Variants in DLC1 observed in about 807,000 individuals in gnomAD.
DLC1 encodes the protein DLC1 Rho GTPase activating protein.
Under a neutral mutation model 140.3 loss-of-function variants are expected in DLC1, and 54 were observed. The observed-to-expected ratio is 0.38, with a 90% CI of 0.31 to 0.48. The LOEUF (loss-of-function observed/expected upper bound fraction) is 0.48, where lower values mean the gene tolerates loss of function less well. Among genes scored for constraint, DLC1 ranks in the 20% least tolerant of loss-of-function variants. The pLI is 0.96. For missense variants in DLC1, 2,536 were observed against 1,907.0 expected (o/e 1.33, Z -6.14); for synonymous variants, 986 against 728.1 (o/e 1.35, Z -5.70).
At chr8:13,498,176 T>C (rs910809904) in intron 2 of DLC1, among the ~76,000 whole-genome samples, 1 of 152,160 alleles carries the variant, frequency 6.6e-6, no homozygotes, top group African/African-American at 2.4e-5. Context: ...TTCCATGCCA[T>C]TGGCCATGTG....
Position 13,280,329 on chromosome 8 carries a change from C to T in DLC1, c.1348+24940G>A, listed in dbSNP as rs548445158. On this transcript the variant is annotated intron_variant, in intron 5 of 17. Transcript: ENST00000276297. ...AAAAAAAGAAAAATGAGAATAATGA[C>T]ATTATGCTTTGATAGGTTTGCAGTT... Among the ~76,000 whole-genome samples the T allele has an allele frequency of 1.2e-3, 166 of 142,836 alleles. 1 individual carries two copies. The highest frequency in any genetic ancestry group is 4.2e-3 in the African/African-American group (165 of 38,840). The allele number at this position is 142,836 out of a possible 152,430, so 93.7% of individuals were successfully genotyped here.
intron 4 of DLC1, among the ~76,000 whole-genome samples, chr8:13,321,502 C>T (rs1653038): frequency 0.38 from 52,813 of 140,686 alleles, 9,674 homozygotes; most frequent in East Asian, 0.47. Context: ...CGCACCACTG[C>T]ACTCCAGCCT....
chr8:13,518,387 G>A (rs1036485530), upstream of DLC1, among the ~76,000 whole-genome samples: 3 of 152,158 alleles, frequency 2.0e-5, no homozygotes, highest in Admixed American at 2.0e-4. Flanking sequence ...GGGTTTAGAG[G>A]CGTGAGCCAC....
chr8:13,536,148 T>A (rs1395468149), intron 1 of DLC1: 1 of 152,166 alleles, frequency 6.6e-6, no homozygotes, highest in African/African-American at 2.4e-5. Context: ...CCTTGTATAC[T>A]GATGACAACA....
At chr8:13,441,164 C>A (rs1798491513) in intron 2 of DLC1, among the ~76,000 whole-genome samples, 1 of 152,190 alleles carries the variant, frequency 6.6e-6, no homozygotes, top group Non-Finnish European at 1.5e-5. Context: ...AACAACCCTT[C>A]ATGCTAAAAA....
intron 2 of DLC1, among the ~76,000 whole-genome samples, chr8:13,412,789 G>T (rs543073461): frequency 1.3e-5 from 2 of 151,920 alleles, no homozygotes; most frequent in Admixed American, 1.3e-4. Flanking sequence ...AAAATTAGCC[G>T]GGTGTGGTGG....
intron 6 of DLC1, among the ~76,000 whole-genome samples, chr8:13,112,762 G>T (rs1024622161): frequency 1.3e-5 from 2 of 152,062 alleles, no homozygotes; most frequent in Non-Finnish European, 2.9e-5. Context: ...GGCCAGGTTG[G>T]CCTTGAACTC....
intron 5 of DLC1, chr8:13,133,058 C>G: frequency 6.4e-7 from 1 of 1,561,178 alleles, no homozygotes; most frequent in Non-Finnish European, 8.7e-7. Flanking sequence ...GCGTCGGGAC[C>G]CACGGCGGCA....
chr8:13,420,128 C>T (rs1008550325), intron 2 of DLC1, among the ~76,000 whole-genome samples: 1 of 152,002 alleles, frequency 6.6e-6, no homozygotes, highest in African/African-American at 2.4e-5. Context: ...GTCTTGCTAG[C>T]AGTCTATCAA....
At chr8:13,348,186 G>A (rs1265171278) in intron 4 of DLC1, among the ~76,000 whole-genome samples, 3 of 152,188 alleles carry the variant, frequency 2.0e-5, no homozygotes, top group Non-Finnish European at 2.9e-5. Context: ...TATGTGGAGG[G>A]AGAGAAAAAG....
intron 2 of DLC1, among the ~76,000 whole-genome samples, chr8:13,427,694 C>T (rs1585090222): frequency 6.6e-6 from 1 of 152,212 alleles, no homozygotes; most frequent in East Asian, 1.9e-4. Flanking sequence ...GTACCTTGGG[C>T]CCCTTGTTCT....
At chr8:13,346,717 C>G (rs909207453) in intron 4 of DLC1, among the ~76,000 whole-genome samples, 7 of 152,104 alleles carry the variant, frequency 4.6e-5, no homozygotes, top group African/African-American at 1.2e-4. Flanking sequence ...CCAATGAAAA[C>G]CCCCCTTTGT....
intron 5 of DLC1, among the ~76,000 whole-genome samples, chr8:13,243,274 G>T (rs1420199125): frequency 8.8e-6 from 1 of 113,732 alleles, no homozygotes; most frequent in Non-Finnish European, 1.7e-5. Flanking sequence ...TGGGTGACAA[G>T]AGTGAGACTC....
chr8:13,151,837 A>G (rs149142852), intron 5 of DLC1, among the ~76,000 whole-genome samples: 108 of 152,320 alleles, frequency 7.1e-4, no homozygotes, highest in African/African-American at 2.5e-3. Flanking sequence ...AAAATTTTAT[A>G]CCATTTACAT....
At chr8:13,318,376 A>G (rs1832943550) in intron 4 of DLC1, among the ~76,000 whole-genome samples, 2 of 152,074 alleles carry the variant, frequency 1.3e-5, no homozygotes, top group Admixed American at 6.6e-5. Context: ...TAGTGTTACT[A>G]TATTATTCTA....
At chr8:13,325,771 C>G (rs1034198172) in intron 4 of DLC1, among the ~76,000 whole-genome samples, 2 of 152,200 alleles carry the variant, frequency 1.3e-5, no homozygotes, top group Non-Finnish European at 2.9e-5. Flanking sequence ...AGATTGTCTT[C>G]TTGCATCACA....
intron 1 of DLC1, among the ~76,000 whole-genome samples, chr8:13,555,205 C>G (rs569515710): frequency 1.3e-5 from 2 of 152,236 alleles, no homozygotes; most frequent in East Asian, 1.9e-4. Context: ...CTCCATTGAA[C>G]TCTCTGCTGC....
rs1049843555 is a variant in DLC1 at position 13,153,629 on chromosome 8, G to A, written c.1349-37972C>T. Among the ~76,000 whole-genome samples, 25 of 152,220 alleles carry A rather than the reference G, an allele frequency of 1.6e-4. No homozygotes were observed. In the South Asian group the frequency reaches 5.0e-3, roughly 30 times the overall value. On this transcript the variant is annotated intron_variant, in intron 5 of 17. Transcript: ENST00000276297. ...GTTTTGACAGGGTGCTGATTGGTGCGTTTACAATCCCTGAGCTAGACACAG... is the reference window on the plus strand; with the variant it reads ...GTTTTGACAGGGTGCTGATTGGTGCATTTACAATCCCTGAGCTAGACACAG...
At chr8:13,313,395 G>A (rs943887712) in intron 4 of DLC1, among the ~76,000 whole-genome samples, 5 of 152,178 alleles carry the variant, frequency 3.3e-5, no homozygotes, top group African/African-American at 1.2e-4. Flanking sequence ...AATTAGAGGT[G>A]AATATGAACA....
Sources: gnomAD v4.1 joint callset for allele counts (sites outside exome capture counted in the v4.1 genomes callset) on GRCh38, gnomAD v4.1.1 for gene constraint, MANE v1.5 for transcripts, NCBI Gene and HGNC (gene_info 2026-07-23, HGNC 2026-07-21) for gene names.